DNMT3A: variants seen among roughly 807,000 people sequenced by gnomAD.
The protein encoded by DNMT3A is DNA (cytosine-5)-methyltransferase 3A.
A neutral mutation model predicts 117.6 loss-of-function variants in DNMT3A; 267 were observed. That is an observed-to-expected ratio of 2.27 (90% CI 2.05 to 2.51). DNMT3A has a LOEUF of 2.51. Among genes scored for constraint, DNMT3A ranks in the 30% most tolerant of loss-of-function variants. The pLI, the probability that DNMT3A is intolerant of heterozygous loss-of-function variation, is 0.00. For synonymous variants in DNMT3A, 432 were observed against 474.8 expected (o/e 0.91, Z 1.17); for missense variants, 1,029 against 1,260.2 (o/e 0.82, Z 2.78).
chr2:25,282,469 C>T lies in DNMT3A; in HGVS notation c.420G>A (p.Lys140=), dbSNP rs752311614. The T allele has an allele frequency of 6.2e-7, 1 of 1,612,984 alleles. No homozygotes were observed. The highest frequency in any genetic ancestry group is 8.5e-7 in the Non-Finnish European group (1 of 1,179,820). Residue 140 remains lysine, a synonymous_variant, in exon 4 of 23, where the codon AAG becomes AAA. Coordinates refer to ENST00000321117, the MANE Select transcript of DNMT3A (RefSeq NM_022552.5). This position sits in a 1 kb window ranked among gnomAD's most constrained non-coding sequence, Gnocchi z 5.2. ...RAVENGCCTP[K]EGRGAPAEAG... is the part of the protein sequence containing the mutation. ...CTTCTGCAGGGGCTCCTCGGCCCTC[C>T]TTGGGGGTGCAGCAGCCATTTTCCA... is the stretch of plus-strand genomic sequence containing the variant.
intron 2 of DNMT3A, among the ~76,000 whole-genome samples, chr2:25,303,605 T>C (rs1373701298): frequency 6.6e-6 from 1 of 152,238 alleles, no homozygotes; most frequent in African/African-American, 2.4e-5. Flanking sequence ...GGCCCAGCAT[T>C]CAGGCCCCGC....
At chr2:25,262,123 A>AG (rs1405408070) in intron 6 of DNMT3A, among the ~76,000 whole-genome samples, 2 of 142,418 alleles carry the variant, frequency 1.4e-5, no homozygotes, top group East Asian at 4.3e-4. Context: ...CAGGGAGTCA[A>AG]GGGTTGCAGT....
At position 25,296,194 on chromosome 2, in the gene DNMT3A, A is replaced by T. The variant is rs1014375364; in HGVS notation, c.177+3945T>A. On this transcript the variant is annotated intron_variant, in intron 3 of 22. Coordinates refer to ENST00000321117, the MANE Select transcript of DNMT3A (RefSeq NM_022552.5). The surrounding 1 kb of genome is among the most constrained non-coding windows in gnomAD (Gnocchi z 4.2). ...GGTGGGCTTGGAACTTGTCTTTATC[A>T]GTTCATTTTTATTAACTTTGGAGAC... Among the ~76,000 whole-genome samples the T allele has an allele frequency of 6.6e-6, 1 of 152,178 alleles. No homozygotes were observed. The highest frequency in any genetic ancestry group is 1.5e-5 in the Non-Finnish European group (1 of 68,046).
chr2:25,261,941 C>G (rs539541343), intron 6 of DNMT3A, among the ~76,000 whole-genome samples: 3 of 152,124 alleles, frequency 2.0e-5, no homozygotes, highest in Non-Finnish European at 4.4e-5. Context: ...AATCCCAGCA[C>G]TTTGGGAGGC....
In DNMT3A at chr2:25,242,419, C is replaced by T. The variant is rs563222059; in HGVS notation, c.1937-712G>A. ...AGAGGGTCTCGGGAGAAACAGGGTA[C>T]GGCACTGTTTCTGCTGCTCCCAACA... is the stretch of plus-strand genomic sequence containing the variant. On this transcript the variant is annotated intron_variant, in intron 16 of 22. Coordinates refer to ENST00000321117, the MANE Select transcript of DNMT3A (RefSeq NM_022552.5). Among the ~76,000 whole-genome samples, 12 of 152,280 alleles carry T rather than the reference C, an allele frequency of 7.9e-5. No homozygotes were observed. The South Asian group carries it at 1.0e-3, about 13-fold the overall frequency.
intron 13 of DNMT3A, among the ~76,000 whole-genome samples, 158 bp downstream of exon 13, chr2:25,245,095 C>T (rs898494152): frequency 2.0e-5 from 3 of 152,350 alleles, no homozygotes; most frequent in South Asian, 2.1e-4. Context: ...CCCAAGGGCC[C>T]GTGTCATCAG....
At position 25,282,700 on chromosome 2, in the gene DNMT3A, A is replaced by T. The variant is rs746325433; in HGVS notation, c.189T>A (p.Gly63=). 1 of 1,526,284 alleles carries T rather than the reference A, an allele frequency of 6.6e-7. No individual in the cohort carries two copies. Among genetic ancestry groups the T allele is most frequent in the African/African-American group, 1.4e-5 (1 of 71,864 alleles). The allele number at this position is 1,526,284 out of a possible 1,614,324, so 94.5% of individuals were successfully genotyped here. A position where few individuals can be genotyped will look rare whatever the true frequency, so the allele number is the denominator to read the frequency against. ...TCACCGCAGGGTCCTTTGGCGTGTC[A>T]CCGCTTTCCACCTGCAAATGTAAGA... The part of the protein sequence containing the change: ...RKRKHPPVES[G]DTPKDPAVIS... The change falls in exon 4 of 23, where the codon GGT becomes GGA. Residue 63 remains glycine, a synonymous_variant. Coordinates refer to ENST00000321117, the MANE Select transcript of DNMT3A (RefSeq NM_022552.5). The surrounding 1 kb of genome is among the most constrained non-coding windows in gnomAD (Gnocchi z 5.2).
In DNMT3A at chr2:25,248,086, G is replaced by C; in HGVS notation, c.806C>G (p.Ala269Gly). Residue 269 changes from alanine (A) to glycine (G), a missense_variant, in exon 7 of 23, where the codon GCT becomes GGT. Physicochemically the swap from Ala to Gly is moderately conservative, Grantham distance 60 (BLOSUM62 0). Coordinates refer to ENST00000321117, the MANE Select transcript of DNMT3A (RefSeq NM_022552.5). The stretch of plus-strand genomic sequence containing the variant: ...TGCTTTGGTGGCATTCTTGTCCCCA[G>C]CATCGGACCCCACGGGCTCAGGCGT... ...ATTPEPVGSD[A>G]GDKNATKAGD... 1.2e-6 allele frequency: 2 copies of C among 1,613,090 alleles called. No individual in the cohort carries two copies. The highest frequency in any genetic ancestry group is 8.5e-7 in the Non-Finnish European group (1 of 1,180,008).
intron 4 of DNMT3A, among the ~76,000 whole-genome samples, chr2:25,275,959 A>G (rs1454942144): frequency 6.6e-6 from 1 of 152,136 alleles, no homozygotes; most frequent in South Asian, 2.1e-4. Context: ...GGGTGCAGGA[A>G]GGCCTGGGCC....
intron 12 of DNMT3A, among the ~76,000 whole-genome samples, 166 bp downstream of exon 12, chr2:25,245,854 A>T (rs568673628): frequency 1.3e-5 from 2 of 152,356 alleles, no homozygotes; most frequent in African/African-American, 4.8e-5. Flanking sequence ...ACAGGAGAGC[A>T]GAATCATGGC....
rs147828672 is a variant in DNMT3A, at chr2:25,240,420, T to G, written c.2204A>C (p.Tyr735Ser). Residue 735 changes from tyrosine (Y) to serine (S), a missense_variant, in exon 19 of 23, where the codon TAC (tyrosine) becomes TCC (serine). By Grantham distance (144) the Tyr-to-Ser change is moderately radical (BLOSUM62 -2). Coordinates refer to ENST00000321117, the MANE Select transcript of DNMT3A (RefSeq NM_022552.5). ...GGGCCGCGCATCATGCAGGAGGCGG[T>G]AGAACTCAAAGAAGAGCCGGCCAGT... The part of the protein sequence containing the change: ...EGTGRLFFEF[Y>S]RLLHDARPKE... The G allele has an allele frequency of 4.3e-6, 7 of 1,611,954 alleles. No individual in the cohort carries two copies. Among genetic ancestry groups the G allele is most frequent in the East Asian group, 2.2e-5 (1 of 44,866 alleles).
Position 25,281,633 on chromosome 2 carries a change from T to A in DNMT3A, c.448+808A>T. On this transcript the variant is annotated intron_variant, in intron 4 of 22. Transcript: ENST00000321117. The surrounding 1 kb of genome is among the most constrained non-coding windows in gnomAD (Gnocchi z 4.8). The stretch of plus-strand genomic sequence containing the variant: ...ACAACCTGGCAGGGCCCTGGGAGGA[T>A]CAAATGTGATAATGTATGAGAAAGC... 2 of 1,065,140 alleles carry A rather than the reference T, an allele frequency of 1.9e-6. No individual in the cohort carries two copies. Among genetic ancestry groups the A allele is most frequent in the East Asian group, 9.9e-5 (2 of 20,160 alleles). The allele number at this position is 1,065,140 out of a possible 1,614,324, so 66.0% of individuals were successfully genotyped here. A position where few individuals can be genotyped will look rare whatever the true frequency, so the allele number is the denominator to read the frequency against.
chr2:25,289,163 C>T (rs1293873144), intron 3 of DNMT3A, among the ~76,000 whole-genome samples: 2 of 150,524 alleles, frequency 1.3e-5, no homozygotes, highest in African/African-American at 2.5e-5. Flanking sequence ...AGTGCAGTGG[C>T]GCGATCTCGG....
chr2:25,333,328 CTT>C (rs1227757033), intron 1 of DNMT3A, among the ~76,000 whole-genome samples: 9 of 142,684 alleles, frequency 6.3e-5, no homozygotes, highest in Non-Finnish European at 9.3e-5. Flanking sequence ...ACTTGCAGGT[CTT>C]TTTTTTTTTT....
chr2:25,302,751 G>A (rs1171932549), intron 2 of DNMT3A, among the ~76,000 whole-genome samples: 1 of 146,402 alleles, frequency 6.8e-6, no homozygotes, highest in Non-Finnish European at 1.5e-5. Context: ...ATTTGTGAAG[G>A]TTCTGATTGG....
chr2:25,318,791 G>A (rs2034480439), intron 1 of DNMT3A, among the ~76,000 whole-genome samples: 1 of 149,598 alleles, frequency 6.7e-6, no homozygotes, highest in Admixed American at 6.7e-5. Context: ...TCTGCCTCAG[G>A]GGTTCATGCC....
At chr2:25,249,519 A>G in intron 6 of DNMT3A, 3 of 992,382 alleles carry the variant, frequency 3.0e-6, no homozygotes, top group Non-Finnish European at 4.7e-6. Flanking sequence ...TGCACCCTTC[A>G]GATCCATAAA....
rs1242294440 is a variant in DNMT3A at position 25,341,813 on chromosome 2, C to T, written c.-178+13G>A. 10 of 979,856 alleles carry T rather than the reference C, an allele frequency of 1.0e-5. No homozygotes were observed. The highest frequency in any genetic ancestry group is 6.3e-5 in the Admixed American group (1 of 15,772). 60.7% of individuals were successfully genotyped at this position (979,856 alleles called of 1,614,324 possible). The stretch of plus-strand genomic sequence containing the variant: ...GGCCGGCCTTCCGGGCCGCCAGCAG[C>T]GGCGCTCATTACCGTATGGCCGGTG... On this transcript the variant is annotated intron_variant, in intron 1 of 22. Coordinates refer to ENST00000321117, the MANE Select transcript of DNMT3A (RefSeq NM_022552.5).
Position 25,311,531 on chromosome 2 carries a change from T to C in DNMT3A, c.72+2382A>G, listed in dbSNP as rs1194689351. On this transcript the variant is annotated intron_variant, in intron 2 of 22. Transcript: ENST00000321117. This position sits in a 1 kb window ranked among gnomAD's most constrained non-coding sequence, Gnocchi z 5.2. ...CCCAGCCCTTATCTATCCAGATCAC[T>C]GCCATCTTTTGGCATGACCCCTCCT... 1.3e-5 allele frequency among the ~76,000 whole-genome samples: 2 copies of C among 152,230 alleles called. No individual in the cohort carries two copies. The highest frequency in any genetic ancestry group is 2.9e-5 in the Non-Finnish European group (2 of 68,036).
Sources: allele counts gnomAD v4.1 joint callset (sites outside exome capture counted in the v4.1 genomes callset), GRCh38; gene constraint gnomAD v4.1.1; non-coding constraint Gnocchi (gnomAD v3.1); transcripts MANE v1.5; gene names NCBI Gene and HGNC (gene_info 2026-07-23, HGNC 2026-07-21).